The following CLEC16A variants were observed in gnomAD, a reference collection of about 807,000 sequenced individuals.
CLEC16A encodes the protein C-type lectin domain containing 16A, also known as protein CLEC16A.
In CLEC16A, 51 loss-of-function variants were observed where a neutral mutation model predicts 109.5. The ratio of observed to expected loss-of-function variants is 0.47; its 90% CI spans 0.37 to 0.59. The LOEUF (loss-of-function observed/expected upper bound fraction) is 0.59, where lower values mean the gene tolerates loss of function less well. CLEC16A is among the 20% of genes least tolerant of loss of function. The pLI, the probability that CLEC16A is intolerant of heterozygous loss-of-function variation, is 0.00. For missense variants in CLEC16A, 1,339 were observed against 1,394.0 expected, an observed-to-expected ratio of 0.96 and a Z score of 0.63; for synonymous variants, 673 against 564.2, an observed-to-expected ratio of 1.19 and a Z score of -2.73.
chr16:10,955,870 G>A (rs540039358), intron 1 of CLEC16A, among the ~76,000 whole-genome samples: 1 of 152,354 alleles, frequency 6.6e-6, no homozygotes, highest in South Asian at 2.1e-4. Context: ...GTGACTGTCA[G>A]ACTTCAGTGG....
Position 11,020,203 on chromosome 16 carries a change from G to T in CLEC16A, c.1314G>T (p.Met438Ile), listed in dbSNP as rs756345867. The T allele has an allele frequency of 6.2e-7, 1 of 1,611,370 alleles. No individual in the cohort carries two copies. The highest frequency in any genetic ancestry group is 8.5e-7 in the Non-Finnish European group (1 of 1,178,224). The change falls in exon 12 of 24, where the codon ATG becomes ATT. Residue 438 changes from methionine to isoleucine, a missense_variant. Coordinates refer to ENST00000409790, the MANE Select transcript of CLEC16A (RefSeq NM_015226.3). ...CATTTTGGCTTCCAGAGATCGAGAT[G>T]GTGATCATGGAGCGTAGCAAGCTCT... Reference protein sequence around the residue: ...KTSGESEEIEMVIMERSKLSE... With the variant: ...KTSGESEEIEIVIMERSKLSE...
chr16:11,090,163 A>AG (rs2050225288), intron 19 of CLEC16A, among the ~76,000 whole-genome samples: 1 of 152,196 alleles, frequency 6.6e-6, no homozygotes, highest in Non-Finnish European at 1.5e-5. Flanking sequence ...GAACCGCAGA[A>AG]GGGGGACCTG....
intron 10 of CLEC16A, among the ~76,000 whole-genome samples, chr16:10,987,412 G>T (rs932877929): frequency 6.6e-6 from 1 of 152,208 alleles, no homozygotes; most frequent in Non-Finnish European, 1.5e-5. Flanking sequence ...GTCAGGGGAA[G>T]TGTTTAGGAG....
chr16:11,051,414 A>T, intron 17 of CLEC16A, 99 bp from the exon 18 acceptor site: 1 of 1,215,186 alleles, frequency 8.2e-7, no homozygotes, highest in South Asian at 1.4e-5. Context: ...ACATTTACTA[A>T]ATGCGGTTGA....
chr16:11,172,203 TACAC>T (rs961157541), intron 23 of CLEC16A, among the ~76,000 whole-genome samples: 4 of 152,094 alleles, frequency 2.6e-5, no homozygotes, highest in Admixed American at 2.0e-4. Context: ...CACACTCACA[TACAC>T]AGCCACATTC....
intron 13 of CLEC16A, among the ~76,000 whole-genome samples, chr16:11,028,202 A>C (rs1359856743): frequency 6.6e-6 from 1 of 152,258 alleles, no homozygotes; most frequent in Non-Finnish European, 1.5e-5. Context: ...CTGTCTCAAC[A>C]AAAAGAAAAG....
intron 10 of CLEC16A, among the ~76,000 whole-genome samples, chr16:11,000,445 T>C (rs2044601669): frequency 6.6e-6 from 1 of 152,140 alleles, no homozygotes; most frequent in African/African-American, 2.4e-5. Flanking sequence ...TCTGAAAGCT[T>C]TGATTGCTGT....
At chr16:11,084,525 C>T (rs1460876646) in intron 19 of CLEC16A, among the ~76,000 whole-genome samples, 3 of 152,122 alleles carry the variant, frequency 2.0e-5, no homozygotes, top group Non-Finnish European at 2.9e-5. Flanking sequence ...CAAAAATAGA[C>T]CATGACTCCA....
chr16:11,103,425 C>A (rs1208106931), intron 19 of CLEC16A, among the ~76,000 whole-genome samples: 1 of 152,098 alleles, frequency 6.6e-6, no homozygotes, highest in African/African-American at 2.4e-5. Context: ...ACTGAAAATA[C>A]AAAAATTAGC....
At chr16:11,130,244 G>A (rs150865105) in intron 22 of CLEC16A, among the ~76,000 whole-genome samples, 1 of 152,272 alleles carries the variant, frequency 6.6e-6, no homozygotes, top group African/African-American at 2.4e-5. Flanking sequence ...TGAAGAATGA[G>A]CCTGCATTTG....
intron 8 of CLEC16A, among the ~76,000 whole-genome samples, chr16:10,977,751 C>T (rs1354368077): frequency 6.6e-6 from 1 of 152,142 alleles, no homozygotes; most frequent in Non-Finnish European, 1.5e-5. Context: ...CTCTTGACCT[C>T]AGGTGATACA....
intron 14 of CLEC16A, chr16:11,041,887 G>T (rs1238648975): frequency 5.4e-6 from 1 of 184,104 alleles, no homozygotes; most frequent in Admixed American, 6.0e-5. Context: ...AACGGGGAAG[G>T]AGGATCAGCT....
intron 18 of CLEC16A, among the ~76,000 whole-genome samples, chr16:11,058,216 T>G (rs866029115): frequency 6.6e-6 from 1 of 152,176 alleles, no homozygotes; most frequent in South Asian, 2.1e-4. Flanking sequence ...TTCCTTCTCT[T>G]AGGAGTTGGG....
chr16:11,033,321 G>A (rs2046849650), intron 13 of CLEC16A, among the ~76,000 whole-genome samples: 1 of 152,136 alleles, frequency 6.6e-6, no homozygotes, highest in South Asian at 2.1e-4. Context: ...AGGAGCCTGG[G>A]TAAGGCTCAG....
At position 10,971,547 on chromosome 16, in the gene CLEC16A, AT is replaced by A. The variant is rs1372815858; in HGVS notation, c.598+320del. The A allele has an allele frequency of 3.1e-6, 3 of 983,308 alleles. No individual in the cohort carries two copies. In the African/African-American group the frequency reaches 5.2e-5, roughly 17 times the overall value. 60.9% of individuals were successfully genotyped at this position (983,308 alleles called of 1,614,324 possible). Reference sequence around the variant, plus strand: ...AGCAAAGTTGTCTTTTTAATGTGTCATTTAAATTTTTGTGTCTTGGCTTGTG... The same window carrying A: ...AGCAAAGTTGTCTTTTTAATGTGTCATTAAATTTTTGTGTCTTGGCTTGTG... On this transcript the variant is annotated intron_variant, in intron 5 of 23. Transcript: ENST00000409790.
intron 10 of CLEC16A, among the ~76,000 whole-genome samples, chr16:10,987,429 CCT>C (rs372919155): frequency 6.6e-5 from 10 of 152,294 alleles, no homozygotes; most frequent in African/African-American, 2.4e-4. Context: ...GGAGATCTGT[CCT>C]CTCTCCTGAT....
In CLEC16A at chr16:11,174,917, C is replaced by T. The variant is rs529913178; in HGVS notation, c.2807-3418C>T. On this transcript the variant is annotated intron_variant, in intron 23 of 23. Coordinates refer to ENST00000409790, the MANE Select transcript of CLEC16A (RefSeq NM_015226.3). This position sits in a 1 kb window ranked among gnomAD's most constrained non-coding sequence, Gnocchi z 4.7. ...ACCACCCAGCAGCCTGGCTCGCTGT[C>T]GGGGCCATCCCTGCTGCCTCCCCTA... Among the ~76,000 whole-genome samples, 20 of 152,366 alleles carry T rather than the reference C, an allele frequency of 1.3e-4. No individual in the cohort carries two copies. Among genetic ancestry groups the T allele is most frequent in the Non-Finnish European group, 2.4e-4 (16 of 68,032 alleles).
chr16:11,094,000 G>A (rs1204040482), intron 19 of CLEC16A, among the ~76,000 whole-genome samples: 3 of 152,188 alleles, frequency 2.0e-5, no homozygotes, highest in Non-Finnish European at 2.9e-5. Context: ...GAGGGGTGAC[G>A]AGGGTCTTTG....
At chr16:11,077,412 C>CA (rs564321010) in intron 19 of CLEC16A, among the ~76,000 whole-genome samples, 229 of 144,958 alleles carry the variant, frequency 1.6e-3, no homozygotes, top group African/African-American at 5.7e-3. Flanking sequence ...GTGGAGGTTA[C>CA]AGTGAGCCAA....
Sources: allele counts gnomAD v4.1 joint callset (sites outside exome capture counted in the v4.1 genomes callset), GRCh38; gene constraint gnomAD v4.1.1; non-coding constraint Gnocchi (gnomAD v3.1); transcripts MANE v1.5; gene names NCBI Gene and HGNC (gene_info 2026-07-23, HGNC 2026-07-21).